Variants in ZNF609 observed in about 807,000 individuals in gnomAD.
The protein encoded by ZNF609 is zinc finger protein 609.
In ZNF609, 11 loss-of-function variants were observed where a neutral mutation model predicts 109.5. The ratio of observed to expected loss-of-function variants is 0.10; its 90% CI spans 0.06 to 0.17. ZNF609 has a LOEUF of 0.17. Among genes scored for constraint, ZNF609 ranks in the 10% least tolerant of loss-of-function variants. The pLI is 1.00. For missense variants in ZNF609, 1,559 were observed against 1,772.4 expected, an observed-to-expected ratio of 0.88 and a Z score of 2.16; for synonymous variants, 646 against 662.0, an observed-to-expected ratio of 0.98 and a Z score of 0.37.
chr15:64,559,125 C>A (rs1894638426), intron 2 of ZNF609, among the ~76,000 whole-genome samples: 1 of 152,140 alleles, frequency 6.6e-6, no homozygotes, highest in African/African-American at 2.4e-5. Context: ...TGAACTCTAA[C>A]CTTGTGAACT....
At chr15:64,572,180 T>C (rs1934294881) in intron 2 of ZNF609, among the ~76,000 whole-genome samples, 1 of 152,204 alleles carries the variant, frequency 6.6e-6, no homozygotes, top group Admixed American at 6.5e-5. Context: ...TGTCACCTTC[T>C]GAGTGAGTTC....
chr15:64,508,903 A>G (rs902712564), intron 2 of ZNF609, among the ~76,000 whole-genome samples: 5 of 152,012 alleles, frequency 3.3e-5, no homozygotes, highest in Non-Finnish European at 7.4e-5. Context: ...TATGTTGTTC[A>G]GGCTAGTCTT....
chr15:64,648,745 CAAAAAAAA>C (rs1162012248), intron 3 of ZNF609, among the ~76,000 whole-genome samples: 19 of 72,428 alleles, frequency 2.6e-4, no homozygotes, highest in Middle Eastern at 6.5e-3. Flanking sequence ...CACCACATAC[CAAAAAAAA>C]AAAAAAAAAA....
At chr15:64,494,925 TC>T (rs1459191466) in intron 1 of ZNF609, among the ~76,000 whole-genome samples, 1 of 152,218 alleles carries the variant, frequency 6.6e-6, no homozygotes, top group Non-Finnish European at 1.5e-5. Context: ...AGAAATGGCT[TC>T]CCAGTCTTGT....
chr15:64,510,371 A>C (rs1893706582), intron 2 of ZNF609, among the ~76,000 whole-genome samples: 1 of 151,434 alleles, frequency 6.6e-6, no homozygotes, highest in Non-Finnish European at 1.5e-5. Flanking sequence ...CATCGGGCTA[A>C]TTTTTAATTT....
intron 2 of ZNF609, among the ~76,000 whole-genome samples, chr15:64,596,399 C>T (rs1020811851): frequency 6.6e-6 from 1 of 152,072 alleles, no homozygotes; most frequent in African/African-American, 2.4e-5. Flanking sequence ...TGTGATCTGG[C>T]CAACTCAGCC....
intron 2 of ZNF609, among the ~76,000 whole-genome samples, chr15:64,549,850 A>G (rs1277797624): frequency 6.6e-6 from 1 of 152,160 alleles, no homozygotes; most frequent in South Asian, 2.1e-4. Context: ...CAGTGGTGCA[A>G]TCACAGCTCA....
intron 2 of ZNF609, among the ~76,000 whole-genome samples, chr15:64,565,561 A>G (rs558231525): frequency 1.3e-5 from 2 of 152,228 alleles, no homozygotes; most frequent in African/African-American, 4.8e-5. Context: ...AAATGAATTT[A>G]TTGCCTTTAG....
At chr15:64,643,051 C>T (rs963761867) in intron 3 of ZNF609, among the ~76,000 whole-genome samples, 1 of 152,122 alleles carries the variant, frequency 6.6e-6, no homozygotes, top group Non-Finnish European at 1.5e-5. Context: ...AATGCACATA[C>T]TCTCTAATCA....
chr15:64,500,567 G>A (rs1893547423), intron 2 of ZNF609: 7 of 603,954 alleles, frequency 1.2e-5, no homozygotes, highest in East Asian at 8.2e-5. Flanking sequence ...TAAACAATAC[G>A]CCTTTGGTGA....
intron 1 of ZNF609, among the ~76,000 whole-genome samples, chr15:64,480,529 C>T (rs1175867685): frequency 6.7e-6 from 1 of 150,164 alleles, no homozygotes; most frequent in Admixed American, 6.6e-5. Context: ...GAGACTCCAT[C>T]TCAAAAAAAA....
chr15:64,653,076 A>G (rs1406857031), intron 3 of ZNF609: 1 of 152,260 alleles, frequency 6.6e-6, no homozygotes. Flanking sequence ...TCTGTGCCCT[A>G]TTTGGAAACC....
At chr15:64,664,899 G>C (rs10851737) in intron 3 of ZNF609, among the ~76,000 whole-genome samples, 132,857 of 152,228 alleles carry the variant, frequency 0.87, 58,972 homozygotes, top group East Asian at 0.96. Flanking sequence ...ATAGTAATGA[G>C]ATTCATCTTC....
chr15:64,631,441 T>C (rs1896075836), intron 3 of ZNF609: 2 of 731,940 alleles, frequency 2.7e-6, no homozygotes, highest in Admixed American at 1.7e-5. Flanking sequence ...GGGGCATTCC[T>C]TTTTGAACAG....
In ZNF609 at chr15:64,680,722, T is replaced by G. The variant is rs2141020261; in HGVS notation, c.4022T>G (p.Val1341Gly). The change falls in exon 8 of 10, where the codon GTC becomes GGC. Residue 1341 changes from valine to glycine, a missense_variant. Val to Gly is a moderately radical substitution (Grantham distance 109). Transcript: ENST00000326648. ...GGGGGTGGTGGCAGCTGTAGCAGCG[T>G]CGGGGGAGCAAGTGGGGGTGAACGG... Reference protein sequence around the residue: ...VVGGGGSCSSVGGASGGERSV... With the variant: ...VVGGGGSCSSGGGASGGERSV... 2 of 1,612,046 alleles carry G rather than the reference T, an allele frequency of 1.2e-6. No individual in the cohort carries two copies. The highest frequency in any genetic ancestry group is 1.7e-6 in the Non-Finnish European group (2 of 1,179,620).
At chr15:64,467,297 GT>G (rs746608203) in intron 1 of ZNF609, among the ~76,000 whole-genome samples, 1 of 152,022 alleles carries the variant, frequency 6.6e-6, no homozygotes, top group Non-Finnish European at 1.5e-5. Context: ...CTTCTTTGGG[GT>G]TTTTTTCTTT....
chr15:64,513,675 C>T (rs1377398038), intron 2 of ZNF609, among the ~76,000 whole-genome samples: 1 of 152,186 alleles, frequency 6.6e-6, no homozygotes, highest in Non-Finnish European at 1.5e-5. Flanking sequence ...CACATAAGAG[C>T]TGACTTGTGT....
intron 8 of ZNF609, 93 bp downstream of exon 8, chr15:64,680,955 A>G: frequency 7.1e-7 from 1 of 1,402,528 alleles, no homozygotes; most frequent in Non-Finnish European, 9.6e-7. Flanking sequence ...GGACCCTCCT[A>G]CCTGCCTCAT....
chr15:64,640,340 G>C (rs1353933367), intron 3 of ZNF609, among the ~76,000 whole-genome samples: 1 of 151,916 alleles, frequency 6.6e-6, no homozygotes, highest in African/African-American at 2.4e-5. Context: ...GTCAAGACTT[G>C]AGTTCCTTTC....
Sources: allele counts gnomAD v4.1 joint callset (sites outside exome capture counted in the v4.1 genomes callset), GRCh38; gene constraint gnomAD v4.1.1; transcripts MANE v1.5; gene names NCBI Gene and HGNC (gene_info 2026-07-23, HGNC 2026-07-21).